The following SYTL5 variants were observed in gnomAD, a reference collection of about 807,000 sequenced individuals.
SYTL5 encodes the protein synaptotagmin like 5, also known as synaptotagmin-like protein 5.
Under a neutral mutation model 55.9 loss-of-function variants are expected in SYTL5, and 34 were observed. The ratio of observed to expected loss-of-function variants is 0.61; its 90% CI spans 0.46 to 0.81. SYTL5 has a LOEUF of 0.81. SYTL5 is among the 30% of genes least tolerant of loss of function. The pLI, the probability that SYTL5 is intolerant of heterozygous loss-of-function variation, is 0.00. For missense variants in SYTL5, 637 were observed against 546.7 expected (o/e 1.17, Z -1.65); for synonymous variants, 221 against 188.7 (o/e 1.17, Z -1.40).
intron 13 of SYTL5, among the ~76,000 whole-genome samples, chrX:38,112,350 G>A (rs768412511): frequency 8.9e-6 from 1 of 111,798 alleles, no homozygotes; most frequent in Non-Finnish European, 1.9e-5. Flanking sequence ...ACTGAAGGTG[G>A]GAAAAACTCC....
At chrX:37,915,890 C>A in the SYTL5 span, among the ~76,000 whole-genome samples, 1 of 111,130 alleles carries the variant, frequency 9.0e-6, no homozygotes, top group Non-Finnish European at 1.9e-5. Context: ...AACTGAATAC[C>A]AAATATTACC....
At chrX:38,017,926 G>A (rs12116292) in intron 1 of SYTL5, among the ~76,000 whole-genome samples, 169 of 109,490 alleles carry the variant, frequency 1.5e-3, no homozygotes, top group African/African-American at 5.4e-3. Context: ...AGGTGCCGGC[G>A]GTGATTACCC....
intron 8 of SYTL5, among the ~76,000 whole-genome samples, chrX:38,094,631 T>C (rs936157512): frequency 1.8e-5 from 2 of 111,848 alleles, no homozygotes; most frequent in Non-Finnish European, 3.8e-5. Context: ...GAAAATTCCA[T>C]TTATTTAGTA....
the SYTL5 span, among the ~76,000 whole-genome samples, chrX:37,968,619 C>CT: frequency 9.0e-6 from 1 of 111,674 alleles, no homozygotes; most frequent in Admixed American, 9.5e-5. Flanking sequence ...TCCAACATGG[C>CT]TTGCGTATGA....
At chrX:38,003,792 T>A (rs1404647752), upstream of SYTL5, among the ~76,000 whole-genome samples, 1 of 112,024 alleles carries the variant, frequency 8.9e-6, no homozygotes, top group African/African-American at 3.2e-5. Flanking sequence ...TTGTACTAAT[T>A]TGTATTCACA....
the SYTL5 span, among the ~76,000 whole-genome samples, chrX:37,957,568 G>A: frequency 2.7e-5 from 3 of 111,735 alleles, no homozygotes; most frequent in Non-Finnish European, 3.8e-5. Flanking sequence ...GGCACCCTTC[G>A]TGAAGGTCTG....
the SYTL5 span, among the ~76,000 whole-genome samples, chrX:37,992,379 G>T: frequency 1.8e-5 from 2 of 113,117 alleles, no homozygotes; most frequent in Non-Finnish European, 3.7e-5. Flanking sequence ...TTCACAGAGG[G>T]TTGGTCAGAG....
At chrX:38,036,285 G>A (rs1417232612) in intron 2 of SYTL5, among the ~76,000 whole-genome samples, 1 of 111,335 alleles carries the variant, frequency 9.0e-6, no homozygotes, top group Non-Finnish European at 1.9e-5. Flanking sequence ...CAGCCTGGGT[G>A]ACAGAGCCAG....
At chrX:37,939,003 A>G in the SYTL5 span, among the ~76,000 whole-genome samples, 4,414 of 111,290 alleles carry the variant, frequency 0.04, 222 homozygotes, top group African/African-American at 0.14. Context: ...CACACCTGTA[A>G]TCCCAGCACT....
intron 3 of SYTL5, among the ~76,000 whole-genome samples, chrX:38,061,898 C>A (rs1935954310): frequency 8.9e-6 from 1 of 111,758 alleles, no homozygotes; most frequent in Admixed American, 9.5e-5. Context: ...CTAATTAGTA[C>A]CCAATTGAAT....
chrX:38,051,868 T>C (rs779106070), intron 2 of SYTL5, among the ~76,000 whole-genome samples: 1 of 111,350 alleles, frequency 9.0e-6, no homozygotes, highest in East Asian at 2.8e-4. Flanking sequence ...CCAGGATGTT[T>C]GTAGGGTAGG....
chrX:38,073,875 A>T (rs760893159), intron 5 of SYTL5, among the ~76,000 whole-genome samples, 177 bp downstream of exon 5: 1 of 112,001 alleles, frequency 8.9e-6, no homozygotes. Flanking sequence ...AATAATTTTC[A>T]ATAAGTAAAT....
intron 9 of SYTL5, among the ~76,000 whole-genome samples, chrX:38,102,016 T>G (rs1020800441): frequency 7.3e-5 from 8 of 109,523 alleles, no homozygotes; most frequent in African/African-American, 2.7e-4. Context: ...AATTTTAAAG[T>G]AACGTAAGTA....
At chrX:37,956,647 T>C in the SYTL5 span, among the ~76,000 whole-genome samples, 163 of 112,614 alleles carry the variant, frequency 1.4e-3, no homozygotes, top group African/African-American at 4.9e-3. Flanking sequence ...ATGAATAATA[T>C]TCAATTGTAT....
the SYTL5 span, among the ~76,000 whole-genome samples, chrX:37,966,992 T>G: frequency 8.9e-6 from 1 of 112,077 alleles, no homozygotes; most frequent in African/African-American, 3.2e-5. Context: ...TTTAGGAGCA[T>G]CTTTATCTTT....
intron 6 of SYTL5, among the ~76,000 whole-genome samples, chrX:38,084,505 C>A (rs751210079): frequency 2.7e-5 from 3 of 110,646 alleles, no homozygotes; most frequent in African/African-American, 9.8e-5. Flanking sequence ...GAGTCCTCAC[C>A]CTGTGGGATC....
chrX:38,088,548 TA>T (rs1936714996), intron 6 of SYTL5, among the ~76,000 whole-genome samples: 1 of 112,360 alleles, frequency 8.9e-6, no homozygotes, highest in African/African-American at 3.2e-5. Context: ...GCTCATTTAA[TA>T]AGAAAATTGT....
the SYTL5 span, chrX:37,939,453 A>C: frequency 4.5e-5 from 5 of 111,473 alleles, no homozygotes; most frequent in Admixed American, 9.5e-5. Flanking sequence ...AATTATCTAG[A>C]GGAAGACCTG....
At chrX:37,897,577 T>TA in the SYTL5 span, among the ~76,000 whole-genome samples, 1 of 110,237 alleles carries the variant, frequency 9.1e-6, no homozygotes, top group African/African-American at 3.3e-5. Flanking sequence ...AACATGGAAG[T>TA]AAAAAACTGA....
Sources: gnomAD v4.1 joint callset for allele counts (sites outside exome capture counted in the v4.1 genomes callset) on GRCh38, gnomAD v4.1.1 for gene constraint, MANE v1.5 for transcripts, NCBI Gene and HGNC (gene_info 2026-07-23, HGNC 2026-07-21) for gene names.